Variants in PPFIBP1 observed in about 807,000 individuals in gnomAD.
PPFIBP1 encodes the protein liprin-beta-1.
In PPFIBP1, 112 loss-of-function variants were observed where a neutral mutation model predicts 137.8. The observed-to-expected ratio is 0.81, with a 90% CI of 0.70 to 0.95. The LOEUF (loss-of-function observed/expected upper bound fraction) is 0.95. Among genes scored for constraint, PPFIBP1 ranks in the 40% least tolerant of loss-of-function variants. The pLI is 0.00. For missense variants in PPFIBP1, 1,083 were observed against 1,196.6 expected (o/e 0.91, Z 1.40); for synonymous variants, 378 against 417.3 (o/e 0.91, Z 1.15).
At chr12:27,574,802 C>T (rs1197390658) in intron 1 of PPFIBP1, among the ~76,000 whole-genome samples, 1 of 152,106 alleles carries the variant, frequency 6.6e-6, no homozygotes, top group Non-Finnish European at 1.5e-5. Context: ...GTTATTTAAC[C>T]CCTCTGCCTT....
chr12:27,642,553 CT>C (rs1289802762), intron 4 of PPFIBP1, among the ~76,000 whole-genome samples: 1 of 152,170 alleles, frequency 6.6e-6, no homozygotes, highest in Non-Finnish European at 1.5e-5. Context: ...TATTAGTCAT[CT>C]ACCTGAGGCA....
intron 2 of PPFIBP1, chr12:27,592,887 A>T: frequency 2.1e-6 from 1 of 474,764 alleles, no homozygotes; most frequent in East Asian, 3.8e-5. Context: ...CACCTGTAGT[A>T]TCAGCACTTT....
In PPFIBP1 at chr12:27,654,787, G is replaced by A; in HGVS notation, c.669G>A (p.Gln223=). ...GTGAAATGGACAGTGAGAGACTTCA[G>A]TATGAAAAAAAGCTTAAATCAACCA... ...KVSEMDSERL[Q]YEKKLKSTKD... is the part of the protein sequence containing the mutation. The change falls in exon 8 of 30, where the codon CAG becomes CAA. Residue 223 remains glutamine, a synonymous_variant. Transcript: ENST00000228425. 6.2e-7 allele frequency: 1 copy of A among 1,612,036 alleles called. No individual in the cohort carries two copies. Among genetic ancestry groups the A allele is most frequent in the Non-Finnish European group, 8.5e-7 (1 of 1,179,452 alleles).
intron 2 of PPFIBP1, among the ~76,000 whole-genome samples, chr12:27,605,253 A>G (rs543280000): frequency 1.3e-5 from 2 of 152,314 alleles, no homozygotes; most frequent in African/African-American, 4.8e-5. Context: ...TAAAAACAAT[A>G]CAGTATGGGA....
At chr12:27,630,696 A>G (rs546320586) in intron 2 of PPFIBP1, among the ~76,000 whole-genome samples, 45 of 152,278 alleles carry the variant, frequency 3.0e-4, no homozygotes, top group African/African-American at 1.1e-3. Flanking sequence ...GTATAGCGGA[A>G]GTCTGGGATT....
intron 2 of PPFIBP1, among the ~76,000 whole-genome samples, chr12:27,590,740 A>T (rs1177246579): frequency 6.6e-6 from 1 of 152,150 alleles, no homozygotes; most frequent in Non-Finnish European, 1.5e-5. Flanking sequence ...GGAAATCCCT[A>T]TGGTTTTGTG....
At chr12:27,600,204 G>A (rs745924600) in intron 2 of PPFIBP1, among the ~76,000 whole-genome samples, 31 of 152,122 alleles carry the variant, frequency 2.0e-4, no homozygotes, top group African/African-American at 7.5e-4. Flanking sequence ...TTGGGAGGTC[G>A]AGGCATGTGG....
chr12:27,561,419 A>G (rs1213404694), intron 1 of PPFIBP1, among the ~76,000 whole-genome samples: 1 of 152,176 alleles, frequency 6.6e-6, no homozygotes, highest in Non-Finnish European at 1.5e-5. Context: ...GTGTCGGTTG[A>G]ATCTCAAATA....
intron 21 of PPFIBP1, among the ~76,000 whole-genome samples, chr12:27,680,294 T>C (rs1387107736): frequency 6.6e-6 from 1 of 152,230 alleles, no homozygotes; most frequent in African/African-American, 2.4e-5. Context: ...CAGCAGCATC[T>C]GTGTTAGAAT....
At chr12:27,673,626 T>C (rs878999160) in intron 15 of PPFIBP1, 141 bp from the exon 16 acceptor site, 1 of 662,286 alleles carries the variant, frequency 1.5e-6, no homozygotes, top group Non-Finnish European at 2.6e-6. Context: ...GTGAAGCACA[T>C]AAGTGACTGC....
chr12:27,639,671 C>T (rs2057964265), intron 4 of PPFIBP1, among the ~76,000 whole-genome samples: 1 of 152,236 alleles, frequency 6.6e-6, no homozygotes, highest in Non-Finnish European at 1.5e-5. Context: ...GATAGGTAAA[C>T]AGGTGAAGTG....
At chr12:27,681,460 A>G in intron 21 of PPFIBP1, 86 bp from the exon 22 acceptor site, 1 of 1,429,010 alleles carries the variant, frequency 7.0e-7, no homozygotes, top group Non-Finnish European at 9.7e-7. Context: ...TTCCATGTCT[A>G]TTGAATGTAT....
chr12:27,552,004 C>T (rs1592406514), intron 1 of PPFIBP1, among the ~76,000 whole-genome samples: 1 of 152,124 alleles, frequency 6.6e-6, no homozygotes, highest in Non-Finnish European at 1.5e-5. Flanking sequence ...ACATCTGACC[C>T]CTAGTTTCCT....
At chr12:27,560,703 T>C (rs1437023457) in intron 1 of PPFIBP1, among the ~76,000 whole-genome samples, 1 of 152,154 alleles carries the variant, frequency 6.6e-6, no homozygotes, top group African/African-American at 2.4e-5. Context: ...AGATAGAGGT[T>C]GAGAGGGCTT....
At chr12:27,525,442 G>A (rs139924150) in intron 1 of PPFIBP1, among the ~76,000 whole-genome samples, 4 of 151,024 alleles carry the variant, frequency 2.6e-5, no homozygotes, top group African/African-American at 9.7e-5. Flanking sequence ...GAGGGGGCGG[G>A]GAAATTGACT....
intron 1 of PPFIBP1, chr12:27,547,054 A>G (rs909754403): frequency 2.0e-5 from 3 of 152,190 alleles, no homozygotes; most frequent in African/African-American, 7.2e-5. Context: ...AGTGTTCAGG[A>G]CTCAGTTTCA....
intron 2 of PPFIBP1, among the ~76,000 whole-genome samples, chr12:27,621,346 T>G (rs1312363542): frequency 6.6e-6 from 1 of 152,252 alleles, no homozygotes; most frequent in East Asian, 1.9e-4. Context: ...ATTTTTGGCT[T>G]TACTTTCCTC....
At chr12:27,688,009 C>T (rs2061301790) in intron 25 of PPFIBP1, among the ~76,000 whole-genome samples, 1 of 151,978 alleles carries the variant, frequency 6.6e-6, no homozygotes, top group Non-Finnish European at 1.5e-5. Context: ...CCGTCTGAGC[C>T]TGGGAGATGG....
At chr12:27,591,661 C>T (rs1422137907) in intron 2 of PPFIBP1, among the ~76,000 whole-genome samples, 1 of 152,184 alleles carries the variant, frequency 6.6e-6, no homozygotes, top group African/African-American at 2.4e-5. Context: ...TGTGTTACCT[C>T]ATAAACTCTC....
Sources: allele counts gnomAD v4.1 joint callset (sites outside exome capture counted in the v4.1 genomes callset), GRCh38; gene constraint gnomAD v4.1.1; transcripts MANE v1.5; gene names NCBI Gene and HGNC (gene_info 2026-07-23, HGNC 2026-07-21).